Variants in C8orf34 observed in about 807,000 individuals in gnomAD.
The protein encoded by C8orf34 is uncharacterized protein C8orf34.
In C8orf34, 65 loss-of-function variants were observed where a neutral mutation model predicts 68.3. That is an observed-to-expected ratio of 0.95 (90% CI 0.78 to 1.17). C8orf34 has a LOEUF of 1.17. C8orf34 is among the 50% of genes most tolerant of loss of function. C8orf34 has a pLI of 0.00. For missense variants in C8orf34, 664 were observed against 655.4 expected, an observed-to-expected ratio of 1.01 and a Z score of -0.14; for synonymous variants, 244 against 241.2, an observed-to-expected ratio of 1.01 and a Z score of -0.11.
At chr8:68,458,083 T>C (rs1811628412) in intron 3 of C8orf34, among the ~76,000 whole-genome samples, 1 of 152,172 alleles carries the variant, frequency 6.6e-6, no homozygotes, top group Admixed American at 6.5e-5. Context: ...TTGATTGTCC[T>C]CGTTTGATTC....
At chr8:68,530,587 T>C in intron 6 of C8orf34, 1 of 1,247,132 alleles carries the variant, frequency 8.0e-7, no homozygotes, top group Non-Finnish European at 1.0e-6. Flanking sequence ...TTACATTGTT[T>C]CTCAGTTTAG....
intron 10 of C8orf34, among the ~76,000 whole-genome samples, chr8:68,733,973 A>G (rs1456958258): frequency 1.3e-5 from 2 of 152,162 alleles, no homozygotes; most frequent in Admixed American, 6.5e-5. Flanking sequence ...TATTTATTTT[A>G]CTTAAATCTG....
At chr8:68,813,712 C>G (rs539790507) in intron 12 of C8orf34, among the ~76,000 whole-genome samples, 1 of 152,212 alleles carries the variant, frequency 6.6e-6, no homozygotes, top group Admixed American at 6.5e-5. Context: ...TTTTAAGGCT[C>G]CTAACATTTG....
intron 7 of C8orf34, among the ~76,000 whole-genome samples, chr8:68,541,906 C>T (rs771076156): frequency 6.6e-6 from 1 of 152,144 alleles, no homozygotes; most frequent in South Asian, 2.1e-4. Flanking sequence ...TTATTTTAAA[C>T]AATTTGAAAT....
At chr8:68,807,412 C>T (rs1277974379) in intron 12 of C8orf34, among the ~76,000 whole-genome samples, 1 of 152,132 alleles carries the variant, frequency 6.6e-6, no homozygotes, top group East Asian at 1.9e-4. Context: ...TAGTGTGTTT[C>T]CCTCTTTAAA....
At chr8:68,449,216 G>A (rs1280106202) in intron 3 of C8orf34, among the ~76,000 whole-genome samples, 1 of 151,996 alleles carries the variant, frequency 6.6e-6, no homozygotes, top group Non-Finnish European at 1.5e-5. Context: ...CCTGAAGAGA[G>A]GCAAAAACTT....
chr8:68,733,939 C>G (rs1822054389), intron 10 of C8orf34, among the ~76,000 whole-genome samples: 1 of 152,124 alleles, frequency 6.6e-6, no homozygotes, highest in Non-Finnish European at 1.5e-5. Flanking sequence ...TAGTATTTCT[C>G]AAGAATTGTG....
intron 8 of C8orf34, among the ~76,000 whole-genome samples, chr8:68,683,616 A>G (rs1204289540): frequency 2.0e-5 from 3 of 152,128 alleles, no homozygotes; most frequent in Non-Finnish European, 4.4e-5. Flanking sequence ...GATGTCTGGA[A>G]AAAGGTATAA....
chr8:68,440,808 C>T (rs1357033867), intron 2 of C8orf34, among the ~76,000 whole-genome samples: 2 of 47,688 alleles, frequency 4.2e-5, no homozygotes, highest in Non-Finnish European at 1.0e-4. Flanking sequence ...TTAAACTCTG[C>T]ATTTTTTTTT....
rs749100060 is a variant in C8orf34, at chr8:68,446,368, A to T, written c.515A>T (p.Lys172Ile). ...AGAAGGGATTTCAGAAGCTATGATA[A>T]ACCTTGGCAATTAAATGCAAAGAAG... Reference protein sequence around the residue: ...GTRRDFRSYDKPWQLNAKKPK... With the variant: ...GTRRDFRSYDIPWQLNAKKPK... The change falls in exon 3 of 14, where the codon AAA (lysine) becomes ATA (isoleucine). Residue 172 changes from lysine (K) to isoleucine (I), a missense_variant. By Grantham distance (102) the Lys-to-Ile change is moderately radical. Transcript: ENST00000518698. The T allele has an allele frequency of 6.2e-7, 1 of 1,610,956 alleles. No homozygotes were observed. Among genetic ancestry groups the T allele is most frequent in the South Asian group, 1.1e-5 (1 of 90,080 alleles).
chr8:68,356,626 A>G (rs890642208), intron 1 of C8orf34, among the ~76,000 whole-genome samples: 3 of 152,146 alleles, frequency 2.0e-5, no homozygotes, highest in South Asian at 4.1e-4. Context: ...GAAATTTGCC[A>G]TGAAATTAAG....
rs369318265 is a variant in C8orf34, at chr8:68,339,424, A to C, written c.327+8085A>C. ...CATTTATAATGGTATTAAAATATGA[A>C]ATACTTAGGAATTAAATTTTAAAAA... On this transcript the variant is annotated intron_variant, in intron 1 of 13. Coordinates refer to ENST00000518698, the MANE Select transcript of C8orf34 (RefSeq NM_052958.4). Among the ~76,000 whole-genome samples the C allele has an allele frequency of 7.2e-4, 110 of 152,034 alleles. No homozygotes were observed. The South Asian group carries it at 7.7e-3, about 11-fold the overall frequency.
intron 5 of C8orf34, among the ~76,000 whole-genome samples, chr8:68,496,087 A>G (rs1813509103): frequency 6.6e-6 from 1 of 152,232 alleles, no homozygotes; most frequent in African/African-American, 2.4e-5. Context: ...TAAGAGAGTT[A>G]AGACAGAATA....
chr8:68,500,802 AT>A (rs200635991), intron 5 of C8orf34, among the ~76,000 whole-genome samples: 2 of 151,730 alleles, frequency 1.3e-5, no homozygotes, highest in African/African-American at 2.4e-5. Flanking sequence ...GGTATACAGA[AT>A]TTTTTTTTCT....
intron 7 of C8orf34, among the ~76,000 whole-genome samples, chr8:68,567,889 C>T (rs1448245768): frequency 3.3e-5 from 5 of 150,988 alleles, no homozygotes; most frequent in African/African-American, 1.2e-4. Context: ...TACATGCCTT[C>T]CTCACTAAGC....
At chr8:68,358,935 G>A (rs13261104) in intron 1 of C8orf34, among the ~76,000 whole-genome samples, 4 of 151,818 alleles carry the variant, frequency 2.6e-5, no homozygotes, top group Non-Finnish European at 4.4e-5. Context: ...CTGGCCTCAA[G>A]TGATCCACCC....
chr8:68,642,654 A>G (rs921278101), intron 8 of C8orf34, among the ~76,000 whole-genome samples: 6 of 152,196 alleles, frequency 3.9e-5, no homozygotes, highest in African/African-American at 1.4e-4. Context: ...ATGTAAGAGG[A>G]AACTGAACTT....
intron 8 of C8orf34, among the ~76,000 whole-genome samples, chr8:68,648,931 C>T (rs895811565): frequency 2.6e-5 from 4 of 152,164 alleles, no homozygotes; most frequent in African/African-American, 9.7e-5. Context: ...AATGTGAACT[C>T]ATTTCAAATT....
chr8:68,619,845 A>G (rs981321368), intron 7 of C8orf34, among the ~76,000 whole-genome samples: 4 of 152,204 alleles, frequency 2.6e-5, no homozygotes, highest in Admixed American at 2.6e-4. Context: ...TGATACAATG[A>G]AAGACAAAAG....
Sources: gnomAD v4.1 joint callset for allele counts (sites outside exome capture counted in the v4.1 genomes callset) on GRCh38, gnomAD v4.1.1 for gene constraint, MANE v1.5 for transcripts, NCBI Gene and HGNC (gene_info 2026-07-23, HGNC 2026-07-21) for gene names.